The following THSD7A variants were observed in gnomAD, a reference collection of about 807,000 sequenced individuals.
THSD7A encodes the protein thrombospondin type 1 domain containing 7A, also known as thrombospondin type-1 domain-containing protein 7A.
In THSD7A, 96 loss-of-function variants were observed where a neutral mutation model predicts 231.3. That is an observed-to-expected ratio of 0.41 (90% CI 0.35 to 0.49). THSD7A has a LOEUF of 0.49. Among genes scored for constraint, THSD7A ranks in the 20% least tolerant of loss-of-function variants. THSD7A has a pLI of 0.05. For missense variants in THSD7A, 2,290 were observed against 2,070.2 expected (o/e 1.11, Z -2.06); for synonymous variants, 940 against 743.3 (o/e 1.26, Z -4.30).
chr7:11,538,558 G>C (rs560060071), intron 6 of THSD7A, among the ~76,000 whole-genome samples: 1 of 152,074 alleles, frequency 6.6e-6, no homozygotes, highest in African/African-American at 2.4e-5. Context: ...AAAATAGGGC[G>C]GGTTTTGGGT....
chr7:11,427,876 A>T (rs1784369601), intron 14 of THSD7A, among the ~76,000 whole-genome samples: 1 of 152,118 alleles, frequency 6.6e-6, no homozygotes, highest in African/African-American at 2.4e-5. Flanking sequence ...GCAGCAAGGG[A>T]GTGTGTTATT....
At chr7:11,401,563 G>A (rs140435705) in intron 23 of THSD7A, among the ~76,000 whole-genome samples, 423 of 152,126 alleles carry the variant, frequency 2.8e-3, no homozygotes, top group Non-Finnish European at 4.8e-3. Flanking sequence ...GATTACAGGA[G>A]CCTGACACCA....
intron 1 of THSD7A, among the ~76,000 whole-genome samples, chr7:11,734,673 A>G (rs1395767065): frequency 2.0e-5 from 3 of 151,852 alleles, no homozygotes; most frequent in Non-Finnish European, 4.4e-5. Flanking sequence ...TGCTACTATT[A>G]TTTGTATAAA....
intron 1 of THSD7A, chr7:11,820,243 T>C: frequency 2.6e-6 from 1 of 381,548 alleles, no homozygotes; most frequent in Admixed American, 4.7e-5. Flanking sequence ...TTGAGGTTCC[T>C]CTGTTTAGCT....
intron 1 of THSD7A, among the ~76,000 whole-genome samples, chr7:11,654,287 T>C (rs544990050): frequency 5.3e-5 from 8 of 152,052 alleles, no homozygotes; most frequent in African/African-American, 1.9e-4. Flanking sequence ...TAAAATACAA[T>C]GCCATAACTA....
chr7:11,684,185 C>T (rs1032748798), intron 1 of THSD7A, among the ~76,000 whole-genome samples: 1 of 151,736 alleles, frequency 6.6e-6, no homozygotes, highest in Non-Finnish European at 1.5e-5. Flanking sequence ...ACCCAACCTC[C>T]CTTCATGTTA....
chr7:11,674,454 C>T (rs1314167724), intron 1 of THSD7A, among the ~76,000 whole-genome samples: 1 of 152,110 alleles, frequency 6.6e-6, no homozygotes, highest in African/African-American at 2.4e-5. Context: ...TGTCTATCTG[C>T]TGGCTCTTAG....
chr7:11,534,217 T>C (rs1473311998), intron 6 of THSD7A, among the ~76,000 whole-genome samples: 4 of 152,284 alleles, frequency 2.6e-5, no homozygotes, highest in South Asian at 4.1e-4. Flanking sequence ...GAGTAGACCA[T>C]AGTAAATTAT....
intron 1 of THSD7A, among the ~76,000 whole-genome samples, chr7:11,721,167 G>C (rs934892779): frequency 1.3e-5 from 2 of 151,660 alleles, no homozygotes. Context: ...TAGTAATCTA[G>C]TCCTAAGGAA....
chr7:11,497,226 G>C (rs572613897), intron 6 of THSD7A, among the ~76,000 whole-genome samples: 1 of 152,266 alleles, frequency 6.6e-6, no homozygotes, highest in African/African-American at 2.4e-5. Context: ...AATAGGATGA[G>C]GGAAACTGCC....
Position 11,637,487 on chromosome 7 carries a change from A to G in THSD7A, c.191-526T>C, listed in dbSNP as rs955031010. On this transcript the variant is annotated intron_variant, in intron 1 of 27. Transcript: ENST00000423059. This position sits in a 1 kb window ranked among gnomAD's most constrained non-coding sequence, Gnocchi z 4.2. ...TGCAAGGGTCTAATAGTTGTATATCATGTGTGCCACTAGAGCTTAAAGTGT... is the reference window on the plus strand; with the variant it reads ...TGCAAGGGTCTAATAGTTGTATATCGTGTGTGCCACTAGAGCTTAAAGTGT... Among the ~76,000 whole-genome samples, 1 of 152,146 alleles carries G rather than the reference A, an allele frequency of 6.6e-6. No homozygotes were observed. The highest frequency in any genetic ancestry group is 1.5e-5 in the Non-Finnish European group (1 of 68,016).
chr7:11,603,199 C>T (rs1435506208), intron 2 of THSD7A, among the ~76,000 whole-genome samples: 8 of 151,988 alleles, frequency 5.3e-5, no homozygotes. Context: ...CAAACAACCT[C>T]ATGAAAAAGT....
intron 6 of THSD7A, among the ~76,000 whole-genome samples, chr7:11,528,759 G>A (rs745877587): frequency 2.6e-5 from 4 of 152,220 alleles, no homozygotes; most frequent in Admixed American, 6.5e-5. Flanking sequence ...TCAACCATAG[G>A]TGCTCCTGAG....
At chr7:11,635,932 A>T (rs144801226) in intron 2 of THSD7A, among the ~76,000 whole-genome samples, 198 bp downstream of exon 2, 104 of 152,252 alleles carry the variant, frequency 6.8e-4, no homozygotes, top group African/African-American at 2.5e-3. Flanking sequence ...TAACTCAAGT[A>T]ATACAGGGCC....
rs948339778 is a variant in THSD7A, at chr7:11,444,356, T to C, written c.3064+1705A>G. Reference sequence around the variant, plus strand: ...CTATAAAGACACATGCACACGTATGTTTACTGTGGCACTGTTCACAATAGC... The same window carrying C: ...CTATAAAGACACATGCACACGTATGCTTACTGTGGCACTGTTCACAATAGC... On this transcript the variant is annotated intron_variant, in intron 13 of 27. Coordinates refer to ENST00000423059, the MANE Select transcript of THSD7A (RefSeq NM_015204.3). This position sits in a 1 kb window ranked among gnomAD's most constrained non-coding sequence, Gnocchi z 4.2. 2.6e-5 allele frequency among the ~76,000 whole-genome samples: 4 copies of C among 152,078 alleles called. No individual in the cohort carries two copies. Among genetic ancestry groups the C allele is most frequent in the Non-Finnish European group, 5.9e-5 (4 of 68,022 alleles).
At chr7:11,643,795 A>T (rs1449168358) in intron 1 of THSD7A, among the ~76,000 whole-genome samples, 1 of 152,026 alleles carries the variant, frequency 6.6e-6, no homozygotes, top group Non-Finnish European at 1.5e-5. Context: ...TATTATAAAG[A>T]ATGCTATAAT....
At chr7:11,774,524 A>T (rs926349162) in intron 1 of THSD7A, among the ~76,000 whole-genome samples, 4 of 148,904 alleles carry the variant, frequency 2.7e-5, no homozygotes, top group Non-Finnish European at 4.5e-5. Context: ...ACACACACAC[A>T]CTCTGACACA....
At chr7:11,644,011 C>T (rs1782189954) in intron 1 of THSD7A, among the ~76,000 whole-genome samples, 1 of 151,044 alleles carries the variant, frequency 6.6e-6, no homozygotes. Context: ...TGGAGAAATC[C>T]TGTGTGCTTA....
At chr7:11,755,828 G>C (rs1782655664) in intron 1 of THSD7A, among the ~76,000 whole-genome samples, 1 of 152,022 alleles carries the variant, frequency 6.6e-6, no homozygotes, top group Non-Finnish European at 1.5e-5. Flanking sequence ...AACAGATCTA[G>C]ATGTATTCAC....
Sources: allele counts gnomAD v4.1 joint callset (sites outside exome capture counted in the v4.1 genomes callset), GRCh38; gene constraint gnomAD v4.1.1; non-coding constraint Gnocchi (gnomAD v3.1); transcripts MANE v1.5; gene names NCBI Gene and HGNC (gene_info 2026-07-23, HGNC 2026-07-21).